Variants in DEPTOR observed in about 807,000 individuals in gnomAD.
DEPTOR encodes DEP domain-containing mTOR-interacting protein.
In DEPTOR, 41 loss-of-function variants were observed where a neutral mutation model predicts 41.6. That is an observed-to-expected ratio of 0.98 (90% CI 0.77 to 1.28). The LOEUF (loss-of-function observed/expected upper bound fraction) is 1.28. Among genes scored for constraint, DEPTOR ranks in the 50% most tolerant of loss-of-function variants. The pLI is 0.00. For missense variants in DEPTOR, 514 were observed against 527.9 expected (o/e 0.97, Z 0.26); for synonymous variants, 195 against 192.3 (o/e 1.01, Z -0.12).
chr8:119,981,652 CAA>C (rs33975978), intron 4 of DEPTOR, among the ~76,000 whole-genome samples: 9 of 136,822 alleles, frequency 6.6e-5, no homozygotes, highest in East Asian at 2.1e-4. Context: ...GACCCTATCT[CAA>C]AAAAAAAAAA....
chr8:120,001,514 T>G lies in DEPTOR; in HGVS notation c.605-11T>G. 6.3e-7 allele frequency: 1 copy of G among 1,587,286 alleles called. No individual in the cohort carries two copies. Among genetic ancestry groups the G allele is most frequent in the Non-Finnish European group, 8.6e-7 (1 of 1,167,558 alleles). On this transcript the variant is annotated splice_polypyrimidine_tract_variant and intron_variant, in intron 4 of 8. Transcript: ENST00000286234. ...ATAGTCCTCATTGGTTGTTTTTTTT[T>G]TTCTCCCCAGTGTCCAACAAGCACC...
intron 1 of DEPTOR, among the ~76,000 whole-genome samples, chr8:119,915,308 C>T (rs1345357112): frequency 1.3e-5 from 2 of 152,136 alleles, no homozygotes; most frequent in Non-Finnish European, 2.9e-5. Flanking sequence ...TTTGATCTTT[C>T]TATATATTTT....
chr8:120,007,097 G>A (rs1481936711), intron 7 of DEPTOR, among the ~76,000 whole-genome samples: 1 of 152,140 alleles, frequency 6.6e-6, no homozygotes, highest in African/African-American at 2.4e-5. Context: ...ATTTTTTGAT[G>A]TGTTCTTTGT....
At chr8:119,998,667 C>G (rs770590876) in intron 4 of DEPTOR, among the ~76,000 whole-genome samples, 2 of 152,002 alleles carry the variant, frequency 1.3e-5, no homozygotes, top group African/African-American at 4.8e-5. Context: ...AAAATTGAGG[C>G]AATAAATAAA....
chr8:119,970,952 C>T (rs185237286), intron 4 of DEPTOR, among the ~76,000 whole-genome samples: 70 of 152,196 alleles, frequency 4.6e-4, no homozygotes, highest in Non-Finnish European at 7.8e-4. Flanking sequence ...AAAAATCGGC[C>T]GGGCACAGTG....
intron 4 of DEPTOR, among the ~76,000 whole-genome samples, chr8:119,980,451 CTTTTTTCTTTTCTTTTCTTT>C (rs1400890929): frequency 9.4e-6 from 1 of 106,538 alleles, no homozygotes; most frequent in Non-Finnish European, 2.0e-5. Flanking sequence ...TTTCATTTTT[CTTTTTTCTTTTCTTTTCTTT>C]TCTTTTCTTT....
At position 119,993,491 on chromosome 8, in the gene DEPTOR, A is replaced by G. The variant is rs997943070; in HGVS notation, c.605-8034A>G. On this transcript the variant is annotated intron_variant, in intron 4 of 8. Transcript: ENST00000286234. ...ATGAGTAACAAATTGTCAGTTTTCA[A>G]TTACAACTGGTAAGATCACAACTGG... Among the ~76,000 whole-genome samples, 7 of 152,368 alleles carry G rather than the reference A, an allele frequency of 4.6e-5. 1 individual carries two copies. The highest frequency in any genetic ancestry group is 9.6e-5 in the African/African-American group (4 of 41,598).
intron 3 of DEPTOR, among the ~76,000 whole-genome samples, chr8:119,949,157 T>C (rs1828320690): frequency 6.6e-6 from 1 of 152,268 alleles, no homozygotes; most frequent in Admixed American, 6.5e-5. Context: ...CTGTCTTCTT[T>C]CACTTGGTAT....
At chr8:119,964,731 A>AT (rs896559112) in intron 3 of DEPTOR, among the ~76,000 whole-genome samples, 38 of 149,684 alleles carry the variant, frequency 2.5e-4, no homozygotes, top group Middle Eastern at 3.4e-3. Flanking sequence ...TGCATTTCCA[A>AT]TTTTTTTTTT....
chr8:120,013,217 G>A lies in DEPTOR; in HGVS notation c.1101+4084G>A, dbSNP rs531688305. 2.1e-4 allele frequency among the ~76,000 whole-genome samples: 31 copies of A among 151,038 alleles called. No homozygotes were observed. In the South Asian group the frequency reaches 6.5e-3, roughly 32 times the overall value. ...TCACATATGCAGTTCATAGTTGACTGAAACATCATTATGCAGTGCATGACT... is the reference window on the plus strand; with the variant it reads ...TCACATATGCAGTTCATAGTTGACTAAAACATCATTATGCAGTGCATGACT... On this transcript the variant is annotated intron_variant, in intron 8 of 8. Transcript: ENST00000286234.
At chr8:120,022,157 T>TAAAAAAAAAAAAAAAAAAAAA (rs34125548) in intron 8 of DEPTOR, among the ~76,000 whole-genome samples, 3 of 93,732 alleles carry the variant, frequency 3.2e-5, no homozygotes, top group Non-Finnish European at 4.2e-5. Flanking sequence ...GACCCCATCT[T>TAAAAAAAAAAAAAAAAAAAAA]AAAAAAAAAA....
At chr8:120,023,590 A>G (rs779715045) in intron 8 of DEPTOR, among the ~76,000 whole-genome samples, 1 of 152,152 alleles carries the variant, frequency 6.6e-6, no homozygotes, top group Non-Finnish European at 1.5e-5. Flanking sequence ...TGTCTTTACT[A>G]TATCTGCTGG....
At chr8:120,007,387 G>C (rs568753292) in intron 7 of DEPTOR, among the ~76,000 whole-genome samples, 6 of 151,994 alleles carry the variant, frequency 3.9e-5, no homozygotes, top group Middle Eastern at 3.2e-3. Context: ...CCGTAGGCAG[G>C]GTGCTTCGAC....
At chr8:119,925,411 A>T (rs1361998164) in intron 1 of DEPTOR, among the ~76,000 whole-genome samples, 7 of 151,998 alleles carry the variant, frequency 4.6e-5, no homozygotes, top group Admixed American at 4.6e-4. Flanking sequence ...AACGAAAATA[A>T]TAAAAACAAC....
chr8:119,973,970 C>T (rs778381732), intron 4 of DEPTOR, among the ~76,000 whole-genome samples: 2 of 152,026 alleles, frequency 1.3e-5, no homozygotes, highest in Non-Finnish European at 2.9e-5. Flanking sequence ...GCAAAGGAAG[C>T]TAGAGGCCAC....
chr8:119,997,195 T>G (rs1243512417), intron 4 of DEPTOR, among the ~76,000 whole-genome samples: 1 of 152,204 alleles, frequency 6.6e-6, no homozygotes, highest in African/African-American at 2.4e-5. Context: ...TCCTCCCATT[T>G]CAGCCTCCCA....
At chr8:119,964,383 C>T (rs143537023) in intron 3 of DEPTOR, among the ~76,000 whole-genome samples, 4,359 of 151,998 alleles carry the variant, frequency 0.029, 58 homozygotes, top group Non-Finnish European at 0.034. Flanking sequence ...GGTGTAGTGG[C>T]ATGTGCCTGT....
chr8:119,926,923 T>A lies in DEPTOR; in HGVS notation c.123-1477T>A, dbSNP rs1424319933. Among the ~76,000 whole-genome samples the A allele has an allele frequency of 3.4e-4, 52 of 152,292 alleles. No homozygotes were observed. The East Asian group carries it at 3.5e-3, about 10-fold the overall frequency. On this transcript the variant is annotated intron_variant, in intron 1 of 8. Coordinates refer to ENST00000286234, the MANE Select transcript of DEPTOR (RefSeq NM_022783.4). ...AGTAATAAAGCACATAAGATAGCCTTTGAGTGACCAAAATAGATGTCATAA... is the reference window on the plus strand; with the variant it reads ...AGTAATAAAGCACATAAGATAGCCTATGAGTGACCAAAATAGATGTCATAA...
At chr8:120,042,144 G>A (rs1047379893) in intron 8 of DEPTOR, among the ~76,000 whole-genome samples, 12 of 151,666 alleles carry the variant, frequency 7.9e-5, no homozygotes, top group Non-Finnish European at 2.9e-5. Flanking sequence ...GTTACCACCA[G>A]TGGGTGGCAT....
Sources: allele counts gnomAD v4.1 joint callset (sites outside exome capture counted in the v4.1 genomes callset), GRCh38; gene constraint gnomAD v4.1.1; transcripts MANE v1.5; gene names NCBI Gene and HGNC (gene_info 2026-07-23, HGNC 2026-07-21).